The following CRADD variants were observed in gnomAD, a reference collection of about 807,000 sequenced individuals.
The protein encoded by CRADD is CARD and death domain containing adaptor protein.
In CRADD, 9 loss-of-function variants were observed where a neutral mutation model predicts 15.5. The ratio of observed to expected loss-of-function variants is 0.58; its 90% CI spans 0.35 to 1.01. The LOEUF (loss-of-function observed/expected upper bound fraction) is 1.01. Ranked by LOEUF, CRADD falls within the 50% of genes least tolerant of loss-of-function variation. The probability of loss-of-function intolerance (pLI) is 0.02; values close to 1 mark genes in which losing one functional copy is unlikely to be tolerated. For missense variants in CRADD, 227 were observed against 250.3 expected (o/e 0.91, Z 0.63); for synonymous variants, 118 against 107.6 (o/e 1.10, Z -0.60).
downstream of CRADD, among the ~76,000 whole-genome samples, chr12:93,853,876 G>T (rs565122694): frequency 2.6e-5 from 4 of 152,250 alleles, no homozygotes; most frequent in Admixed American, 2.6e-4. Flanking sequence ...GTGTGGATGC[G>T]CCGTCATGTC....
At chr12:93,885,019 G>A (rs561948489) in intron 2 of CRADD, among the ~76,000 whole-genome samples, 1 of 152,282 alleles carries the variant, frequency 6.6e-6, no homozygotes, top group African/African-American at 2.4e-5. Context: ...GTTGGGGGCA[G>A]GGGTGCTAGG....
At chr12:93,725,673 G>A (rs1306123351) in intron 2 of CRADD, among the ~76,000 whole-genome samples, 2 of 152,218 alleles carry the variant, frequency 1.3e-5, no homozygotes, top group African/African-American at 2.4e-5. Context: ...AAAATTTGGT[G>A]CACTGTTAAT....
intron 2 of CRADD, among the ~76,000 whole-genome samples, chr12:93,686,966 T>C (rs948335241): frequency 6.6e-6 from 1 of 152,122 alleles, no homozygotes; most frequent in African/African-American, 2.4e-5. Flanking sequence ...TTTAGAGGTA[T>C]GCTGGAATGA....
At chr12:93,800,172 C>T (rs1289958369) in intron 2 of CRADD, among the ~76,000 whole-genome samples, 1 of 152,052 alleles carries the variant, frequency 6.6e-6, no homozygotes, top group Admixed American at 6.5e-5. Context: ...ATCAGGAAAG[C>T]TGGTGGTGTA....
At chr12:93,818,358 C>CCTCCCCA (rs1387783971) in intron 2 of CRADD, among the ~76,000 whole-genome samples, 3 of 152,206 alleles carry the variant, frequency 2.0e-5, no homozygotes, top group African/African-American at 2.4e-5. Context: ...CTCCTTCACA[C>CCTCCCCA]CTCCCCACTC....
intron 2 of CRADD, among the ~76,000 whole-genome samples, chr12:93,705,033 C>T (rs1024434617): frequency 2.6e-5 from 4 of 152,238 alleles, no homozygotes; most frequent in African/African-American, 9.6e-5. Flanking sequence ...GTTTCTTGCA[C>T]AGCATTTAAC....
chr12:93,730,291 T>C (rs542515005), intron 2 of CRADD, among the ~76,000 whole-genome samples: 1 of 152,346 alleles, frequency 6.6e-6, no homozygotes, highest in Non-Finnish European at 1.5e-5. Context: ...GACCTACTGC[T>C]CCTATATATC....
chr12:93,857,640 C>A (rs1343887500), intron 2 of CRADD, among the ~76,000 whole-genome samples: 1 of 152,188 alleles, frequency 6.6e-6, no homozygotes, highest in Non-Finnish European at 1.5e-5. Context: ...TTATTTGGCT[C>A]ACGATTCTGC....
At chr12:93,691,565 T>C (rs1255702009) in intron 2 of CRADD, among the ~76,000 whole-genome samples, 7 of 152,170 alleles carry the variant, frequency 4.6e-5, no homozygotes, top group Non-Finnish European at 8.8e-5. Flanking sequence ...ATATAAAGAA[T>C]TTTTAACTGG....
At chr12:93,727,791 G>A (rs561818605) in intron 2 of CRADD, among the ~76,000 whole-genome samples, 1 of 152,278 alleles carries the variant, frequency 6.6e-6, no homozygotes, top group Admixed American at 6.5e-5. Context: ...TGGAAGGCAG[G>A]GTGCACTCAG....
At chr12:93,720,186 T>G (rs1440133414) in intron 2 of CRADD, among the ~76,000 whole-genome samples, 1 of 152,200 alleles carries the variant, frequency 6.6e-6, no homozygotes, top group Non-Finnish European at 1.5e-5. Context: ...CTCTTACCCC[T>G]ATGTTACTTA....
chr12:93,698,588 A>G (rs1205854581), intron 2 of CRADD, among the ~76,000 whole-genome samples: 2 of 152,188 alleles, frequency 1.3e-5, no homozygotes, highest in African/African-American at 4.8e-5. Flanking sequence ...TACTGTTTCA[A>G]AGTGTTTCAC....
intron 2 of CRADD, among the ~76,000 whole-genome samples, chr12:93,756,566 C>T (rs1956892589): frequency 6.6e-6 from 1 of 152,210 alleles, no homozygotes; most frequent in Non-Finnish European, 1.5e-5. Context: ...TATTCCAGGG[C>T]CTTCCTTGTT....
At chr12:93,815,114 C>T (rs1443448157) in intron 2 of CRADD, 1 of 152,172 alleles carries the variant, frequency 6.6e-6, no homozygotes, top group Admixed American at 6.5e-5. Flanking sequence ...AAGCGACCAC[C>T]TGGCCCATAT....
intron 2 of CRADD, among the ~76,000 whole-genome samples, chr12:93,736,141 G>A (rs1956564301): frequency 6.6e-6 from 1 of 151,928 alleles, no homozygotes; most frequent in African/African-American, 2.4e-5. Flanking sequence ...CTTTCCCTTT[G>A]GTATAATTTT....
At chr12:93,741,049 A>G (rs1956658634) in intron 2 of CRADD, among the ~76,000 whole-genome samples, 1 of 152,236 alleles carries the variant, frequency 6.6e-6, no homozygotes, top group African/African-American at 2.4e-5. Flanking sequence ...GTTAGAAAGC[A>G]CCAAAGGTGT....
intron 2 of CRADD, among the ~76,000 whole-genome samples, chr12:93,869,103 T>A (rs1958396257): frequency 6.6e-6 from 1 of 152,194 alleles, no homozygotes; most frequent in Admixed American, 6.5e-5. Context: ...TTAGTGGGGC[T>A]TGATAAACAT....
chr12:93,709,072 AT>A (rs1956011201), intron 2 of CRADD: 1 of 152,256 alleles, frequency 6.6e-6, no homozygotes, highest in Non-Finnish European at 1.5e-5. Flanking sequence ...AATAGATGAT[AT>A]TGCTGGATGC....
At chr12:93,893,370 G>C (rs1958590019) in intron 2 of CRADD, among the ~76,000 whole-genome samples, 1 of 151,724 alleles carries the variant, frequency 6.6e-6, no homozygotes, top group Non-Finnish European at 1.5e-5. Flanking sequence ...TTGTTCATTG[G>C]ACGGACACAA....
Sources: gnomAD v4.1 joint callset for allele counts (sites outside exome capture counted in the v4.1 genomes callset) on GRCh38, gnomAD v4.1.1 for gene constraint, MANE v1.5 for transcripts, NCBI Gene and HGNC (gene_info 2026-07-23, HGNC 2026-07-21) for gene names.